The following ZNF804A variants were observed in gnomAD, a reference collection of about 807,000 sequenced individuals.
ZNF804A encodes the protein zinc finger protein 804A.
In ZNF804A, 2 loss-of-function variants were observed where a neutral mutation model predicts 16.5. That is an observed-to-expected ratio of 0.12 (90% CI 0.05 to 0.38). The LOEUF (loss-of-function observed/expected upper bound fraction) is 0.38. Ranked by LOEUF, ZNF804A falls within the 10% of genes least tolerant of loss-of-function variation. The probability of loss-of-function intolerance (pLI) is 0.99; values close to 1 mark genes in which losing one functional copy is unlikely to be tolerated. For missense variants in ZNF804A, 1,473 were observed against 1,390.7 expected (o/e 1.06, Z -0.94); for synonymous variants, 534 against 489.6 (o/e 1.09, Z -1.20).
chr2:184,837,195 T>G (rs544108271), intron 1 of ZNF804A, among the ~76,000 whole-genome samples: 52 of 152,214 alleles, frequency 3.4e-4, no homozygotes, highest in African/African-American at 1.3e-3. Context: ...CTAGGTCTTA[T>G]GTTTCTTGAT....
chr2:184,695,585 T>G (rs1026126019), intron 1 of ZNF804A, among the ~76,000 whole-genome samples: 5 of 151,892 alleles, frequency 3.3e-5, no homozygotes, highest in Non-Finnish European at 7.4e-5. Flanking sequence ...TTCAGCTAAT[T>G]TTTTTACATT....
chr2:184,690,283 T>C (rs1315439540), intron 1 of ZNF804A, among the ~76,000 whole-genome samples: 1 of 151,960 alleles, frequency 6.6e-6, no homozygotes, highest in Non-Finnish European at 1.5e-5. Flanking sequence ...ATTTGGTGTA[T>C]TATTGGACCC....
chr2:184,812,543 G>A (rs541924076), intron 1 of ZNF804A, among the ~76,000 whole-genome samples: 1 of 152,254 alleles, frequency 6.6e-6, no homozygotes, highest in South Asian at 2.1e-4. Flanking sequence ...AAGGAGTAAG[G>A]ATCCTTTTTT....
intron 1 of ZNF804A, among the ~76,000 whole-genome samples, chr2:184,797,520 G>C (rs1694651744): frequency 6.6e-6 from 1 of 152,076 alleles, no homozygotes; most frequent in Admixed American, 6.6e-5. Context: ...GAGTCTGTGT[G>C]TTAGGTGAGT....
intron 1 of ZNF804A, among the ~76,000 whole-genome samples, chr2:184,681,334 G>T (rs1692535564): frequency 6.6e-6 from 1 of 152,142 alleles, no homozygotes; most frequent in Non-Finnish European, 1.5e-5. Flanking sequence ...AATATTAAAA[G>T]ATTCTTATGT....
chr2:184,679,568 C>T (rs1363251583), intron 1 of ZNF804A, among the ~76,000 whole-genome samples: 1 of 152,180 alleles, frequency 6.6e-6, no homozygotes, highest in Non-Finnish European at 1.5e-5. Context: ...CTTGGAAGTG[C>T]CTGCTCTCGC....
chr2:184,906,880 A>T (rs1348473987), intron 2 of ZNF804A, among the ~76,000 whole-genome samples: 1 of 152,152 alleles, frequency 6.6e-6, no homozygotes, highest in Admixed American at 6.5e-5. Context: ...GCATGAGAAG[A>T]ATTTGACACA....
intron 1 of ZNF804A, among the ~76,000 whole-genome samples, chr2:184,782,766 G>C (rs113184179): frequency 0.035 from 5,104 of 143,906 alleles, 289 homozygotes; most frequent in African/African-American, 0.12. Context: ...TTCCAGTAAG[G>C]ATTTTTTTTT....
rs1481586476 is a variant in ZNF804A at position 184,860,206 on chromosome 2, GCTGGCCTAGAGGCTAGATGTATAGGTA to G, written c.112-6148_112-6122del. On this transcript the variant is annotated intron_variant, in intron 1 of 3. Coordinates refer to ENST00000302277, the MANE Select transcript of ZNF804A (RefSeq NM_194250.2). Reference sequence around the variant, plus strand: ...TTGCCTGTAATCTTTATCTGCTGATGCTGGCCTAGAGGCTAGATGTATAGGTACTGGCCTAGAGGCTTGGTCTGTGAG... The same window carrying G: ...TTGCCTGTAATCTTTATCTGCTGATGCTGGCCTAGAGGCTTGGTCTGTGAG... Among the ~76,000 whole-genome samples the G allele has an allele frequency of 3.3e-5, 5 of 152,330 alleles. No homozygotes were observed. The East Asian group carries it at 9.7e-4, about 29-fold the overall frequency.
chr2:184,924,634 A>G (rs868712926), intron 2 of ZNF804A, among the ~76,000 whole-genome samples: 5 of 151,322 alleles, frequency 3.3e-5, no homozygotes, highest in Admixed American at 6.6e-5. Flanking sequence ...TAGTTATTTA[A>G]GATGAATTCT....
At chr2:184,633,652 A>G (rs895987045) in intron 1 of ZNF804A, among the ~76,000 whole-genome samples, 3 of 152,228 alleles carry the variant, frequency 2.0e-5, no homozygotes, top group African/African-American at 7.2e-5. Context: ...TTGAAATCCA[A>G]CTTAGATATA....
intron 1 of ZNF804A, among the ~76,000 whole-genome samples, chr2:184,620,298 TAA>T (rs145979004): frequency 0.11 from 16,542 of 151,706 alleles, 1,154 homozygotes; most frequent in Non-Finnish European, 0.16. Context: ...TTCCTACAAA[TAA>T]GAGTTAAAAT....
chr2:184,903,647 AG>A (rs1421757446), intron 2 of ZNF804A, among the ~76,000 whole-genome samples: 2 of 152,092 alleles, frequency 1.3e-5, no homozygotes, highest in African/African-American at 4.8e-5. Context: ...AACTGTGCTA[AG>A]TGTTTATAAT....
chr2:184,822,465 A>T (rs556930595), intron 1 of ZNF804A, among the ~76,000 whole-genome samples: 107 of 152,210 alleles, frequency 7.0e-4, no homozygotes, highest in African/African-American at 2.5e-3. Context: ...AGATGGATTG[A>T]TTCGTGCAGC....
intron 1 of ZNF804A, among the ~76,000 whole-genome samples, chr2:184,754,643 GT>G (rs1414890011): frequency 1.3e-5 from 2 of 151,396 alleles, no homozygotes; most frequent in African/African-American, 2.4e-5. Flanking sequence ...TTTCAGCTTT[GT>G]TTTTTCTTTG....
intron 1 of ZNF804A, among the ~76,000 whole-genome samples, chr2:184,687,103 A>G (rs563971461): frequency 4.5e-4 from 69 of 152,308 alleles, no homozygotes; most frequent in African/African-American, 1.1e-3. Flanking sequence ...GCCAACGCCA[A>G]TGTTGAGAAG....
intron 1 of ZNF804A, among the ~76,000 whole-genome samples, chr2:184,705,927 A>G (rs1693023903): frequency 6.6e-6 from 1 of 152,150 alleles, no homozygotes; most frequent in African/African-American, 2.4e-5. Flanking sequence ...TTTATGAGCC[A>G]TGGATCAATG....
intron 1 of ZNF804A, among the ~76,000 whole-genome samples, chr2:184,614,953 TCAA>T (rs762791652): frequency 2.0e-5 from 3 of 152,188 alleles, no homozygotes; most frequent in Non-Finnish European, 2.9e-5. Context: ...GTAAATTAGT[TCAA>T]CTATTGTGAA....
At chr2:184,631,101 T>C (rs1012038248) in intron 1 of ZNF804A, among the ~76,000 whole-genome samples, 2 of 152,306 alleles carry the variant, frequency 1.3e-5, no homozygotes, top group Middle Eastern at 3.4e-3. Flanking sequence ...TATGTTGATA[T>C]ATTGTTTATT....
Sources: allele counts gnomAD v4.1 joint callset (sites outside exome capture counted in the v4.1 genomes callset), GRCh38; gene constraint gnomAD v4.1.1; transcripts MANE v1.5; gene names NCBI Gene and HGNC (gene_info 2026-07-23, HGNC 2026-07-21).